The following DNMBP variants were observed in gnomAD, a reference collection of about 807,000 sequenced individuals.
The protein encoded by DNMBP is dynamin binding protein, also known as dynamin-binding protein.
A neutral mutation model predicts 150.0 loss-of-function variants in DNMBP; 87 were observed. The ratio of observed to expected loss-of-function variants is 0.58; its 90% CI spans 0.49 to 0.69. The LOEUF is 0.69. Among genes scored for constraint, DNMBP ranks in the 30% least tolerant of loss-of-function variants. The pLI is 0.00. For missense variants in DNMBP, 1,774 were observed against 1,949.0 expected (o/e 0.91, Z 1.69); for synonymous variants, 711 against 750.4 (o/e 0.95, Z 0.86).
intron 4 of DNMBP, among the ~76,000 whole-genome samples, chr10:99,914,621 G>A (rs2039940922): frequency 6.6e-6 from 1 of 152,116 alleles, no homozygotes; most frequent in African/African-American, 2.4e-5. Context: ...ACAGGAACTG[G>A]GAGTCCCGCT....
At chr10:99,935,216 G>T (rs1274463820) in intron 4 of DNMBP, among the ~76,000 whole-genome samples, 2 of 151,980 alleles carry the variant, frequency 1.3e-5, no homozygotes, top group Non-Finnish European at 2.9e-5. Context: ...GAATTTATTT[G>T]GGAGTTGGAG....
chr10:99,891,389 G>A (rs1208992618), intron 11 of DNMBP, among the ~76,000 whole-genome samples: 7 of 151,488 alleles, frequency 4.6e-5, no homozygotes, highest in Non-Finnish European at 7.4e-5. Flanking sequence ...TGGCCAGGCC[G>A]GTCTCCAGCC....
chr10:99,948,001 C>T (rs527424863), intron 4 of DNMBP, among the ~76,000 whole-genome samples: 267 of 152,108 alleles, frequency 1.8e-3, no homozygotes, highest in African/African-American at 6.1e-3. Flanking sequence ...AATGTTTTTA[C>T]GATGTTGATG....
chr10:100,005,307 T>A (rs1184486429), intron 1 of DNMBP, among the ~76,000 whole-genome samples: 1 of 152,144 alleles, frequency 6.6e-6, no homozygotes, highest in Non-Finnish European at 1.5e-5. Context: ...TGCAGCAATA[T>A]TTATGGTGTT....
At chr10:99,879,113 T>A (rs2039324580) in intron 16 of DNMBP, among the ~76,000 whole-genome samples, 1 of 117,484 alleles carries the variant, frequency 8.5e-6, no homozygotes, top group Non-Finnish European at 1.8e-5. Context: ...CCAAAACGTT[T>A]GAGATACAAA....
intron 6 of DNMBP, among the ~76,000 whole-genome samples, chr10:99,906,836 C>T (rs924744590): frequency 6.6e-6 from 1 of 152,098 alleles, no homozygotes; most frequent in Non-Finnish European, 1.5e-5. Flanking sequence ...ACAGAAGCAG[C>T]GAGGTAATAC....
rs1383185738 is a variant in DNMBP, at chr10:99,879,949, C to T, written c.4410G>A (p.Arg1470=). The part of the protein sequence containing the change: ...TATPRSYRNF[R]HPEIVGYSVP... ...CGGAGTAGCCAACTATTTCTGGATGCCTGAAGTTCCGGTAGCTCCTCGGCG... is the reference window on the plus strand; with the variant it reads ...CGGAGTAGCCAACTATTTCTGGATGTCTGAAGTTCCGGTAGCTCCTCGGCG... Residue 1470 remains arginine, a synonymous_variant, in exon 16 of 17, where the codon AGG becomes AGA. Transcript: ENST00000324109. The T allele has an allele frequency of 1.9e-6, 3 of 1,614,208 alleles. No individual in the cohort carries two copies. In the South Asian group the frequency reaches 3.3e-5, roughly 18 times the overall value.
At chr10:99,946,828 T>C (rs1007209996) in intron 4 of DNMBP, among the ~76,000 whole-genome samples, 2 of 152,002 alleles carry the variant, frequency 1.3e-5, no homozygotes, top group Non-Finnish European at 2.9e-5. Flanking sequence ...ATGTAAACTA[T>C]GCATCCAACA....
At chr10:99,932,542 A>G (rs2040171499) in intron 4 of DNMBP, among the ~76,000 whole-genome samples, 2 of 151,828 alleles carry the variant, frequency 1.3e-5, no homozygotes, top group African/African-American at 4.8e-5. Flanking sequence ...GTCAGGCTGC[A>G]TAAAGCACAT....
intron 6 of DNMBP, among the ~76,000 whole-genome samples, chr10:99,903,719 C>G (rs1416183448): frequency 6.6e-6 from 1 of 152,190 alleles, no homozygotes; most frequent in Non-Finnish European, 1.5e-5. Context: ...CTTTTTGCAG[C>G]CCTTTCCCTA....
In DNMBP at chr10:99,955,205, G is replaced by T; in HGVS notation, c.2260+9C>A. ...AGAAACAATTACATATTATTTCCTC[G>T]TCACTTACCTCTTAGTTGCTGGAGT... On this transcript the variant is annotated intron_variant, in intron 4 of 16. Coordinates refer to ENST00000324109, the MANE Select transcript of DNMBP (RefSeq NM_015221.4). 6.2e-7 allele frequency: 1 copy of T among 1,606,208 alleles called. No individual in the cohort carries two copies. The highest frequency in any genetic ancestry group is 8.5e-7 in the Non-Finnish European group (1 of 1,174,734).
rs764242988 is a variant in DNMBP, at chr10:99,896,148, C to T, written c.3051+119G>A. The T allele has an allele frequency of 7.5e-6, 9 of 1,198,888 alleles. No individual in the cohort carries two copies. In the Admixed American group the frequency reaches 9.6e-5, roughly 13 times the overall value. 74.3% of individuals were successfully genotyped at this position (1,198,888 alleles called of 1,614,324 possible). On this transcript the variant is annotated intron_variant, in intron 10 of 16. Transcript: ENST00000324109. ...CTGGAGGGCCCTGTCTCCACCAGCT[C>T]GTAAAACCGGAGGACGTCTGAGGAA...
rs1054143583 is a variant in DNMBP, at chr10:99,877,019, C to A, written c.*132G>T. On this transcript the variant is annotated 3_prime_UTR_variant, in exon 17 of 17. Coordinates refer to ENST00000324109, the MANE Select transcript of DNMBP (RefSeq NM_015221.4). ...CGAGGAGAACAAGATCTGTGGTGTG[C>A]TCCACCATGCCATGGTTAAGCAACG... is the stretch of plus-strand genomic sequence containing the variant. 1.5e-5 allele frequency: 11 copies of A among 711,308 alleles called. No homozygotes were observed. In the Admixed American group the frequency reaches 2.4e-4, roughly 15 times the overall value. 44.1% of individuals were successfully genotyped at this position (711,308 alleles called of 1,614,324 possible).
chr10:99,919,231 G>A (rs1229258213), intron 4 of DNMBP, among the ~76,000 whole-genome samples: 4 of 152,276 alleles, frequency 2.6e-5, no homozygotes, highest in Non-Finnish European at 5.9e-5. Context: ...GTCAAGGCCC[G>A]TTCTGGATTT....
chr10:99,947,298 A>G (rs1472700141), intron 4 of DNMBP, among the ~76,000 whole-genome samples: 1 of 152,204 alleles, frequency 6.6e-6, no homozygotes, highest in East Asian at 1.9e-4. Flanking sequence ...CAGCAAAGAC[A>G]TGAAATCAAC....
chr10:99,981,865 C>T (rs1324420216), intron 1 of DNMBP, among the ~76,000 whole-genome samples: 4 of 152,196 alleles, frequency 2.6e-5, no homozygotes, highest in Non-Finnish European at 4.4e-5. Flanking sequence ...GAGTTGGCTG[C>T]GTTGCTCTAT....
chr10:99,886,569 G>A lies in DNMBP; in HGVS notation c.3349C>T (p.Pro1117Ser). 1 of 1,614,162 alleles carries A rather than the reference G, an allele frequency of 6.2e-7. No individual in the cohort carries two copies. The highest frequency in any genetic ancestry group is 8.5e-7 in the Non-Finnish European group (1 of 1,180,034). ...LNQLLSMFTG[P>S]HKLVQKRFDK... ...AAGCGTTTCTGTACCAGCTTATGGG[G>A]CCCTGTAAACATGCTCAGTAACTGA... is the stretch of plus-strand genomic sequence containing the variant. The change falls in exon 13 of 17, where the codon CCC becomes TCC. Residue 1117 changes from proline (P) to serine (S), a missense_variant. Coordinates refer to ENST00000324109, the MANE Select transcript of DNMBP (RefSeq NM_015221.4).
rs61757225 is a variant in DNMBP at position 99,879,925 on chromosome 10, G to A, written c.4434C>T (p.Ser1478=). 58,668 of 1,614,182 alleles carry A rather than the reference G, an allele frequency of 0.036. 1,351 individuals carry two copies. The highest frequency in any genetic ancestry group is 0.089 in the South Asian group (8,062 of 91,084). The change falls in exon 16 of 17, where the codon TCC becomes TCT. Residue 1478 remains serine (S), a synonymous_variant. Transcript: ENST00000324109. ...GACTTTGCCCATTTCGTCCTGGTAC[G>A]GAGTAGCCAACTATTTCTGGATGCC... ...NFRHPEIVGY[S]VPGRNGQSQD...
chr10:99,916,842 T>TA, intron 4 of DNMBP, among the ~76,000 whole-genome samples: 1 of 152,016 alleles, frequency 6.6e-6, no homozygotes, highest in South Asian at 2.1e-4. Context: ...TAAAATTTCC[T>TA]CAAAAGGGTC....
Sources: allele counts gnomAD v4.1 joint callset (sites outside exome capture counted in the v4.1 genomes callset), GRCh38; gene constraint gnomAD v4.1.1; transcripts MANE v1.5; gene names NCBI Gene and HGNC (gene_info 2026-07-23, HGNC 2026-07-21).